The following DST variants were observed in gnomAD, a reference collection of about 807,000 sequenced individuals.
DST encodes the protein dystonin.
Under a neutral mutation model 875.2 loss-of-function variants are expected in DST, and 253 were observed. The observed-to-expected ratio is 0.29, with a 90% CI of 0.26 to 0.32. The LOEUF (loss-of-function observed/expected upper bound fraction) is 0.32, where lower values mean the gene tolerates loss of function less well. DST is among the 10% of genes least tolerant of loss of function. The pLI, the probability that DST is intolerant of heterozygous loss-of-function variation, is 1.00. For missense variants in DST, 8,287 were observed against 9,111.6 expected, an observed-to-expected ratio of 0.91 and a Z score of 3.68; for synonymous variants, 3,124 against 3,197.1, an observed-to-expected ratio of 0.98 and a Z score of 0.77.
intron 36 of DST, chr6:56,619,513 T>C (rs1307355743): frequency 6.2e-7 from 1 of 1,613,020 alleles, no homozygotes; most frequent in Admixed American, 1.7e-5. Flanking sequence ...AAGAATGAAT[T>C]TGTGAATTTA....
chr6:56,806,253 T>C (rs568216972), intron 4 of DST, among the ~76,000 whole-genome samples: 2 of 152,338 alleles, frequency 1.3e-5, no homozygotes, highest in Non-Finnish European at 2.9e-5. Flanking sequence ...TATGTTATTC[T>C]AGTTAAGTTA....
At position 56,583,410 on chromosome 6, in the gene DST, G is replaced by A. The variant is rs534024683; in HGVS notation, c.12904-4473C>T. Reference sequence around the variant, plus strand: ...AAATGTCTTCTTTTGAGAAGTGTCTGTTCATATCCTTTGCCCACTTTTTGA... The same window carrying A: ...AAATGTCTTCTTTTGAGAAGTGTCTATTCATATCCTTTGCCCACTTTTTGA... On this transcript the variant is annotated intron_variant, in intron 49 of 103. Transcript: ENST00000680361. Among the ~76,000 whole-genome samples the A allele has an allele frequency of 2.6e-5, 4 of 152,254 alleles. No individual in the cohort carries two copies. The South Asian group carries it at 8.3e-4, about 32-fold the overall frequency.
intron 4 of DST, among the ~76,000 whole-genome samples, chr6:56,774,559 AT>A: frequency 6.6e-6 from 1 of 152,228 alleles, no homozygotes; most frequent in Non-Finnish European, 1.5e-5. Context: ...TGGTATGTTT[AT>A]CTTTTCAGAC....
chr6:56,650,831 C>T, intron 12 of DST, 95 bp downstream of exon 12: 1 of 695,348 alleles, frequency 1.4e-6, no homozygotes, highest in Non-Finnish European at 2.4e-6. Flanking sequence ...AAAATATATT[C>T]AACATTCAAA....
intron 5 of DST, among the ~76,000 whole-genome samples, chr6:56,720,764 A>T (rs2099411657): frequency 6.6e-6 from 1 of 152,154 alleles, no homozygotes; most frequent in South Asian, 2.1e-4. Context: ...TTCCACACAG[A>T]CACAGTAACA....
rs760195128 is a variant in DST, at chr6:56,555,666, A to C, written c.14815T>G (p.Cys4939Gly). ...DSLTGQLSDR[C>G]DWIDQAIVKS... ...ACAATGGCTTGGTCAATCCAGTCACATCTGTCACTCAATTGCCCTGTTAGG... is the reference window on the plus strand; with the variant it reads ...ACAATGGCTTGGTCAATCCAGTCACCTCTGTCACTCAATTGCCCTGTTAGG... The change falls in exon 60 of 104, where the codon TGT becomes GGT. Residue 4939 changes from cysteine (C) to glycine (G), a missense_variant. Cys to Gly is a radical substitution (Grantham distance 159). Around this residue, in one of 10 missense-constraint regions of DST, gnomAD observed 1,513 missense variants for 1,677.8 expected, o/e 0.90. Transcript: ENST00000680361. 1 of 1,613,968 alleles carries C rather than the reference A, an allele frequency of 6.2e-7. No individual in the cohort carries two copies. The highest frequency in any genetic ancestry group is 1.1e-5 in the South Asian group (1 of 91,078).
intron 4 of DST, among the ~76,000 whole-genome samples, chr6:56,808,499 GAAGA>G (rs1327087214): frequency 3.9e-5 from 6 of 152,230 alleles, no homozygotes; most frequent in African/African-American, 1.2e-4. Flanking sequence ...AAATCATGGA[GAAGA>G]AAGGGTAAAA....
At chr6:56,504,488 A>C (rs1193413446) in intron 77 of DST, among the ~76,000 whole-genome samples, 1 of 152,162 alleles carries the variant, frequency 6.6e-6, no homozygotes, top group African/African-American at 2.4e-5. Context: ...TCAAATAAGC[A>C]AGAAATTACT....
intron 3 of DST, among the ~76,000 whole-genome samples, chr6:56,889,915 T>C (rs1334226811): frequency 2.6e-5 from 4 of 152,218 alleles, no homozygotes; most frequent in African/African-American, 9.6e-5. Flanking sequence ...GGTTTACCTA[T>C]GGTTTTCAAT....
At chr6:56,918,354 C>T (rs192871638) in intron 2 of DST, among the ~76,000 whole-genome samples, 4 of 152,050 alleles carry the variant, frequency 2.6e-5, no homozygotes, top group Admixed American at 6.6e-5. Flanking sequence ...CCCAAACTCC[C>T]GACCTCAAGA....
At chr6:56,599,334 T>C (rs147300484) in intron 45 of DST, among the ~76,000 whole-genome samples, 138 of 152,260 alleles carry the variant, frequency 9.1e-4, no homozygotes, top group African/African-American at 3.1e-3. Context: ...AGTTTTAATA[T>C]TATTTTTTCC....
chr6:56,832,820 A>T (rs1239419035), intron 4 of DST, among the ~76,000 whole-genome samples: 1 of 152,118 alleles, frequency 6.6e-6, no homozygotes, highest in African/African-American at 2.4e-5. Context: ...GCTCACTGCA[A>T]CCTCGGCCTC....
At chr6:56,713,759 T>G (rs1346285121) in intron 5 of DST, among the ~76,000 whole-genome samples, 1 of 152,196 alleles carries the variant, frequency 6.6e-6, no homozygotes, top group Non-Finnish European at 1.5e-5. Context: ...TTGCTTCATC[T>G]CTTTTTTTCA....
intron 50 of DST, among the ~76,000 whole-genome samples, chr6:56,576,054 T>C (rs368495881): frequency 7.7e-4 from 117 of 152,268 alleles, no homozygotes; most frequent in African/African-American, 2.6e-3. Context: ...GGGCTGAAGA[T>C]TGAGCTGCTA....
At chr6:56,838,412 A>G (rs539895487) in intron 4 of DST, among the ~76,000 whole-genome samples, 1 of 152,364 alleles carries the variant, frequency 6.6e-6, no homozygotes, top group South Asian at 2.1e-4. Context: ...AACGGCAGAA[A>G]TACAAGCACT....
chr6:56,620,270 T>C, intron 36 of DST: 2 of 1,614,134 alleles, frequency 1.2e-6, no homozygotes, highest in Non-Finnish European at 8.5e-7. Flanking sequence ...TCTTTTAAGA[T>C]GATCTTCCAG....
intron 98 of DST, chr6:56,467,342 C>G (rs1042606453): frequency 6.6e-6 from 1 of 152,014 alleles, no homozygotes; most frequent in Non-Finnish European, 1.5e-5. Context: ...CAATACCAAC[C>G]AAATCCCTCA....
At chr6:56,572,686 A>G in intron 52 of DST, 61 bp downstream of exon 52, 1 of 1,248,332 alleles carries the variant, frequency 8.0e-7, no homozygotes. Flanking sequence ...CACTAAGTAT[A>G]TGAGTTTGCC....
chr6:56,603,300 T>C lies in DST; in HGVS notation c.11062A>G (p.Ile3688Val). 2.5e-6 allele frequency: 4 copies of C among 1,611,040 alleles called. No individual in the cohort carries two copies. The highest frequency in any genetic ancestry group is 3.4e-6 in the Non-Finnish European group (4 of 1,178,976). ...FPRGHVEELSISHQSLKTAFS... is the reference protein window; with the variant it reads ...FPRGHVEELSVSHQSLKTAFS... ...GCGGTCTTCAAACTCTGGTGGCTAATACTCAATTCTTCAACATGGCCTCTG... is the reference window on the plus strand; with the variant it reads ...GCGGTCTTCAAACTCTGGTGGCTAACACTCAATTCTTCAACATGGCCTCTG... The change falls in exon 42 of 104, where the codon ATT becomes GTT. Residue 3688 changes from isoleucine (I) to valine (V), a missense_variant. Physicochemically the swap from Ile to Val is conservative, Grantham distance 29 (BLOSUM62 3). This residue lies in a region of DST where 3,138 missense variants were observed against 3,116.6 expected (regional missense o/e 1.01). Coordinates refer to ENST00000680361, the MANE Select transcript of DST (RefSeq NM_001374736.1).
Sources: allele counts gnomAD v4.1 joint callset (sites outside exome capture counted in the v4.1 genomes callset), GRCh38; gene constraint gnomAD v4.1.1; regional missense constraint gnomAD v4.1.1; transcripts MANE v1.5; gene names NCBI Gene and HGNC (gene_info 2026-07-23, HGNC 2026-07-21).